Variants in CAPN13 observed in about 807,000 individuals in gnomAD.
The protein encoded by CAPN13 is calpain 13, also known as calpain-13.
In CAPN13, 90 loss-of-function variants were observed where a neutral mutation model predicts 98.4. That is an observed-to-expected ratio of 0.92 (90% CI 0.77 to 1.09). The LOEUF (loss-of-function observed/expected upper bound fraction) is 1.09, where lower values mean the gene tolerates loss of function less well. Ranked by LOEUF, CAPN13 falls within the 50% of genes least tolerant of loss-of-function variation. CAPN13 has a pLI of 0.00. For synonymous variants in CAPN13, 330 were observed against 305.5 expected (o/e 1.08, Z -0.84); for missense variants, 887 against 841.3 (o/e 1.05, Z -0.67).
intron 22 of CAPN13, 114 bp downstream of exon 22, chr2:30,730,616 G>A: frequency 1.5e-6 from 1 of 646,614 alleles, no homozygotes; most frequent in Non-Finnish European, 2.8e-6. Flanking sequence ...TTATGTAAGG[G>A]TCTGTCATCC....
At chr2:30,744,530 A>T (rs1008232255) in intron 12 of CAPN13, among the ~76,000 whole-genome samples, 1 of 152,144 alleles carries the variant, frequency 6.6e-6, no homozygotes, top group Non-Finnish European at 1.5e-5. Flanking sequence ...GTGTGCATGC[A>T]TGTGTGGGTG....
intron 1 of CAPN13, among the ~76,000 whole-genome samples, chr2:30,794,445 G>C (rs1217050806): frequency 1.3e-5 from 2 of 151,870 alleles, no homozygotes; most frequent in Non-Finnish European, 3.0e-5. Context: ...TACACTCTCA[G>C]TAGATATGTA....
intron 1 of CAPN13, among the ~76,000 whole-genome samples, chr2:30,793,227 T>A (rs1196121981): frequency 6.6e-6 from 1 of 151,730 alleles, no homozygotes; most frequent in African/African-American, 2.4e-5. Context: ...TGGTAGGAAA[T>A]CTACAAAACA....
rs78096365 is a variant in CAPN13 at position 30,747,417 on chromosome 2, A to C, written c.1237-1683T>G. Among the ~76,000 whole-genome samples, 1,059 of 152,270 alleles carry C rather than the reference A, an allele frequency of 7.0e-3. 11 individuals are homozygous for C. Among genetic ancestry groups the C allele is most frequent in the African/African-American group, 0.024 (1,009 of 41,548 alleles). Reference sequence around the variant, plus strand: ...CCATTGTTGACACTGGGCCCCACCCATGTGTACAGACCTCTTAGCCGACTT... The same window carrying C: ...CCATTGTTGACACTGGGCCCCACCCCTGTGTACAGACCTCTTAGCCGACTT... On this transcript the variant is annotated intron_variant, in intron 11 of 22. Transcript: ENST00000295055.
chr2:30,763,425 A>T (rs1672946816), intron 6 of CAPN13, among the ~76,000 whole-genome samples: 1 of 152,338 alleles, frequency 6.6e-6, no homozygotes, highest in South Asian at 2.1e-4. Context: ...TCCACCAACC[A>T]CATGTCATCA....
chr2:30,735,005 C>T (rs1033656960), intron 18 of CAPN13, among the ~76,000 whole-genome samples: 1 of 152,152 alleles, frequency 6.6e-6, no homozygotes, highest in Non-Finnish European at 1.5e-5. Flanking sequence ...GAGTAAATGA[C>T]TAAATATTTA....
intron 1 of CAPN13, among the ~76,000 whole-genome samples, chr2:30,793,686 T>G (rs917735414): frequency 2.6e-5 from 4 of 151,960 alleles, no homozygotes; most frequent in Middle Eastern, 3.4e-3. Context: ...CCAACCTGAC[T>G]TCAATACATA....
At chr2:30,771,878 G>A (rs1673429778) in intron 4 of CAPN13, among the ~76,000 whole-genome samples, 1 of 152,214 alleles carries the variant, frequency 6.6e-6, no homozygotes, top group Non-Finnish European at 1.5e-5. Context: ...AGGATTAGAT[G>A]AGATCACAAA....
chr2:30,743,436 T>G lies in CAPN13; in HGVS notation c.1392A>C (p.Arg464Ser). Reference sequence around the variant, plus strand: ...TTCGGAGCAAGAACTCCGCTGATTTTCTCCGTGTCTGTGCAACCACAACAT... The same window carrying G: ...TTCGGAGCAAGAACTCCGCTGATTTGCTCCGTGTCTGTGCAACCACAACAT... The part of the protein sequence containing the change: ...GNYVVVAQTR[R>S]KSAEFLLRIF... The change falls in exon 13 of 23, where the codon AGA (arginine) becomes AGC (serine). Residue 464 changes from arginine to serine, a missense_variant. By Grantham distance (110) the Arg-to-Ser change is moderately radical. Transcript: ENST00000295055. 1 of 1,614,036 alleles carries G rather than the reference T, an allele frequency of 6.2e-7. No homozygotes were observed. Among genetic ancestry groups the G allele is most frequent in the South Asian group, 1.1e-5 (1 of 91,090 alleles).
chr2:30,778,589 T>C (rs1171552454), intron 2 of CAPN13, among the ~76,000 whole-genome samples: 2 of 152,222 alleles, frequency 1.3e-5, no homozygotes, highest in Non-Finnish European at 2.9e-5. Context: ...ATTGGATTCA[T>C]TTGCTCAGTA....
At chr2:30,765,711 C>T (rs772403357) in intron 5 of CAPN13, among the ~76,000 whole-genome samples, 8 of 152,174 alleles carry the variant, frequency 5.3e-5, no homozygotes, top group Non-Finnish European at 8.8e-5. Flanking sequence ...TCAGCAAATG[C>T]GTATCGTATC....
chr2:30,767,062 G>A (rs1228769318), intron 5 of CAPN13, among the ~76,000 whole-genome samples: 1 of 152,204 alleles, frequency 6.6e-6, no homozygotes, highest in Admixed American at 6.5e-5. Context: ...CTGTAGGACT[G>A]ACAGCGTCAG....
intron 1 of CAPN13, among the ~76,000 whole-genome samples, chr2:30,792,232 A>G (rs1012494898): frequency 6.6e-6 from 1 of 152,170 alleles, no homozygotes; most frequent in Non-Finnish European, 1.5e-5. Flanking sequence ...TTAATCAAAC[A>G]GAAGACAGAC....
intron 1 of CAPN13, among the ~76,000 whole-genome samples, chr2:30,803,237 A>G (rs1223655484): frequency 6.6e-6 from 1 of 152,230 alleles, no homozygotes; most frequent in Non-Finnish European, 1.5e-5. Flanking sequence ...TCATCTCTCC[A>G]TCACCTCTCT....
At chr2:30,738,133 C>T (rs905724468) in intron 17 of CAPN13, 102 bp downstream of exon 17, 8 of 1,210,758 alleles carry the variant, frequency 6.6e-6, no homozygotes, top group Non-Finnish European at 9.6e-6. Context: ...AGAGAAAATA[C>T]TGAGTGGGAA....
intron 18 of CAPN13, 135 bp downstream of exon 18, chr2:30,736,368 T>G: frequency 5.1e-5 from 41 of 811,682 alleles, no homozygotes; most frequent in Non-Finnish European, 7.7e-5. Flanking sequence ...AAACAACATG[T>G]GAGCTCTCCT....
At chr2:30,726,343 C>T (rs1277932824) in intron 22 of CAPN13, among the ~76,000 whole-genome samples, 1 of 152,174 alleles carries the variant, frequency 6.6e-6, no homozygotes. Flanking sequence ...AGGTTGTCTG[C>T]TTTGTACACT....
chr2:30,794,187 G>T (rs900012465), intron 1 of CAPN13, among the ~76,000 whole-genome samples: 3 of 150,136 alleles, frequency 2.0e-5, no homozygotes, highest in Non-Finnish European at 4.5e-5. Context: ...AACATATAAA[G>T]AACTCTTACA....
chr2:30,749,152 G>C (rs575314982), intron 11 of CAPN13, among the ~76,000 whole-genome samples: 2 of 152,190 alleles, frequency 1.3e-5, no homozygotes, highest in African/African-American at 4.8e-5. Context: ...TTGTACTTCT[G>C]AAGTACAGGT....
Sources: allele counts gnomAD v4.1 joint callset (sites outside exome capture counted in the v4.1 genomes callset), GRCh38; gene constraint gnomAD v4.1.1; transcripts MANE v1.5; gene names NCBI Gene and HGNC (gene_info 2026-07-23, HGNC 2026-07-21).